Variants in VPS35L observed in about 807,000 individuals in gnomAD.
VPS35L encodes the protein VPS35 endosomal protein sorting factor like.
VPS35L carries 83 observed loss-of-function variants against 133.0 expected under a neutral mutation model. The observed-to-expected ratio is 0.62, with a 90% CI of 0.52 to 0.75. The LOEUF is 0.75. Ranked by LOEUF, VPS35L falls within the 30% of genes least tolerant of loss-of-function variation. VPS35L has a pLI of 0.00. For synonymous variants in VPS35L, 423 were observed against 449.9 expected, an observed-to-expected ratio of 0.94 and a Z score of 0.76; for missense variants, 1,083 against 1,206.8, an observed-to-expected ratio of 0.90 and a Z score of 1.52.
At chr16:19,669,362 G>T in intron 27 of VPS35L, 63 bp downstream of exon 27, 1 of 1,515,878 alleles carries the variant, frequency 6.6e-7, no homozygotes, top group Non-Finnish European at 8.9e-7. Flanking sequence ...AATATTATAT[G>T]TGTTCTTAGG....
intron 2 of VPS35L, among the ~76,000 whole-genome samples, chr16:19,566,894 C>T (rs949316313): frequency 2.2e-4 from 33 of 152,080 alleles, no homozygotes; most frequent in Admixed American, 2.0e-3. Context: ...GGACTACAGG[C>T]GCCCGCCACC....
chr16:19,626,598 C>A (rs1379663464), intron 15 of VPS35L, among the ~76,000 whole-genome samples: 1 of 151,912 alleles, frequency 6.6e-6, no homozygotes, highest in African/African-American at 2.4e-5. Flanking sequence ...CCCATCTCTA[C>A]TAAAAATACA....
intron 2 of VPS35L, among the ~76,000 whole-genome samples, chr16:19,568,956 T>G (rs1971275334): frequency 6.6e-6 from 1 of 152,090 alleles, no homozygotes; most frequent in Non-Finnish European, 1.5e-5. Context: ...AAAACTTAAC[T>G]TTTATGAGGT....
chr16:19,643,297 G>A (rs535162622), intron 22 of VPS35L, among the ~76,000 whole-genome samples: 35 of 152,214 alleles, frequency 2.3e-4, no homozygotes, highest in Non-Finnish European at 4.1e-4. Flanking sequence ...ACTTAGATTC[G>A]TGAGACATTG....
At chr16:19,651,782 A>G (rs1836535469) in intron 25 of VPS35L, among the ~76,000 whole-genome samples, 194 bp from the exon 26 acceptor site, 1 of 152,010 alleles carries the variant, frequency 6.6e-6, no homozygotes, top group African/African-American at 2.4e-5. Context: ...CTGCATTATC[A>G]CTCACTCCCC....
At chr16:19,627,668 CTGACT>C in intron 15 of VPS35L, 21 bp from the exon 16 acceptor site, 2 of 1,549,646 alleles carry the variant, frequency 1.3e-6, no homozygotes, top group Non-Finnish European at 1.8e-6. Context: ...AGAAGCCAGG[CTGACT>C]TGGGGATCTG....
chr16:19,674,150 T>C, intron 27 of VPS35L, among the ~76,000 whole-genome samples: 1 of 149,504 alleles, frequency 6.7e-6, no homozygotes, highest in East Asian at 2.0e-4. Context: ...GACTCCCACA[T>C]CTCACTTCTA....
intron 9 of VPS35L, among the ~76,000 whole-genome samples, chr16:19,605,592 G>C (rs1260540168): frequency 6.6e-6 from 1 of 152,168 alleles, no homozygotes; most frequent in Non-Finnish European, 1.5e-5. Context: ...TCAGGGCCTT[G>C]CACTTGCTGT....
chr16:19,563,009 C>A (rs1295619681), intron 1 of VPS35L, among the ~76,000 whole-genome samples: 1 of 152,054 alleles, frequency 6.6e-6, no homozygotes, highest in Non-Finnish European at 1.5e-5. Flanking sequence ...AAGCAGTCCA[C>A]CCATCTGTAC....
At chr16:19,574,854 G>T (rs1489286301) in intron 4 of VPS35L, among the ~76,000 whole-genome samples, 1 of 152,136 alleles carries the variant, frequency 6.6e-6, no homozygotes, top group East Asian at 1.9e-4. Context: ...CCCTGATTCA[G>T]AGTAGGTTAA....
intron 5 of VPS35L, 55 bp from the exon 6 acceptor site, chr16:19,578,997 G>A (rs765534502): frequency 4.9e-6 from 7 of 1,414,898 alleles, no homozygotes; most frequent in African/African-American, 1.4e-5. Context: ...GCCTCCACTG[G>A]GGGTATTGGT....
intron 27 of VPS35L, among the ~76,000 whole-genome samples, chr16:19,680,640 G>C (rs1219556095): frequency 6.6e-6 from 1 of 152,262 alleles, no homozygotes; most frequent in South Asian, 2.1e-4. Context: ...GGCTGGGCGC[G>C]GTGGCTCATG....
At chr16:19,649,006 G>T (rs72767589) in intron 24 of VPS35L, among the ~76,000 whole-genome samples, 31,233 of 149,232 alleles carry the variant, frequency 0.21, 3,964 homozygotes, top group Non-Finnish European at 0.28. Context: ...TTTTCTTTTT[G>T]AGCTGGAGTT....
chr16:19,634,022 G>A (rs1047339095), intron 19 of VPS35L, among the ~76,000 whole-genome samples: 4 of 151,340 alleles, frequency 2.6e-5, no homozygotes, highest in Non-Finnish European at 2.9e-5. Context: ...CACTGCACCC[G>A]GCCAACTGTT....
chr16:19,686,382 C>T (rs554533924), intron 28 of VPS35L, among the ~76,000 whole-genome samples: 2 of 152,262 alleles, frequency 1.3e-5, no homozygotes, highest in South Asian at 4.1e-4. Flanking sequence ...TGCTTTTACA[C>T]GAGGTTACAA....
At chr16:19,680,682 C>T (rs1351355390) in intron 27 of VPS35L, among the ~76,000 whole-genome samples, 1 of 152,140 alleles carries the variant, frequency 6.6e-6, no homozygotes, top group East Asian at 1.9e-4. Context: ...GAGGCCAAGG[C>T]AGGTGGATCG....
At chr16:19,668,060 A>C (rs943057427) in intron 26 of VPS35L, among the ~76,000 whole-genome samples, 1 of 152,078 alleles carries the variant, frequency 6.6e-6, no homozygotes, top group Non-Finnish European at 1.5e-5. Flanking sequence ...TCCACCATCC[A>C]TCTTCAGACA....
intron 13 of VPS35L, among the ~76,000 whole-genome samples, 179 bp downstream of exon 13, chr16:19,616,370 C>T (rs945856571): frequency 1.3e-5 from 2 of 152,220 alleles, no homozygotes; most frequent in South Asian, 2.1e-4. Flanking sequence ...ACTGAATAAG[C>T]GGAGAAAGTT....
At chr16:19,609,779 T>TG (rs1382117363) in intron 11 of VPS35L, among the ~76,000 whole-genome samples, 1 of 152,070 alleles carries the variant, frequency 6.6e-6, no homozygotes, top group Non-Finnish European at 1.5e-5. Context: ...GGGAATAACA[T>TG]GGGGGCTGAA....
Sources: allele counts gnomAD v4.1 joint callset (sites outside exome capture counted in the v4.1 genomes callset), GRCh38; gene constraint gnomAD v4.1.1; transcripts MANE v1.5; gene names NCBI Gene and HGNC (gene_info 2026-07-23, HGNC 2026-07-21).